ADAMTSL1: variants seen among roughly 807,000 people sequenced by gnomAD.
ADAMTSL1 encodes the protein ADAMTS-like protein 1.
Under a neutral mutation model 201.8 loss-of-function variants are expected in ADAMTSL1, and 126 were observed. That is an observed-to-expected ratio of 0.62 (90% CI 0.54 to 0.72). The LOEUF (loss-of-function observed/expected upper bound fraction) is 0.72, where lower values mean the gene tolerates loss of function less well. Ranked by LOEUF, ADAMTSL1 falls within the 30% of genes least tolerant of loss-of-function variation. The pLI is 0.00. For synonymous variants in ADAMTSL1, 1,121 were observed against 903.4 expected (o/e 1.24, Z -4.32); for missense variants, 2,679 against 2,277.8 (o/e 1.18, Z -3.59).
chr9:18,633,421 C>G (rs1826902082), intron 5 of ADAMTSL1, among the ~76,000 whole-genome samples: 1 of 152,040 alleles, frequency 6.6e-6, no homozygotes, highest in African/African-American at 2.4e-5. Context: ...GAAACCCCGT[C>G]TCTACTAAAA....
At chr9:18,847,154 A>G (rs1041573314) in intron 23 of ADAMTSL1, among the ~76,000 whole-genome samples, 1 of 152,212 alleles carries the variant, frequency 6.6e-6, no homozygotes, top group Non-Finnish European at 1.5e-5. Context: ...GACAGACAGA[A>G]AAGTCAATCA....
At chr9:18,494,731 A>C (rs546911727) in intron 1 of ADAMTSL1, among the ~76,000 whole-genome samples, 1 of 152,324 alleles carries the variant, frequency 6.6e-6, no homozygotes, top group East Asian at 1.9e-4. Context: ...TTTTTTGAAG[A>C]ATTTGATAAA....
chr9:18,645,426 C>T (rs1452052991), intron 7 of ADAMTSL1, among the ~76,000 whole-genome samples: 1 of 151,752 alleles, frequency 6.6e-6, no homozygotes, highest in Non-Finnish European at 1.5e-5. Context: ...GCTTTTGTTG[C>T]CATTGCTTTT....
At chr9:18,314,654 A>G (rs1284204247) in intron 2 of ADAMTSL1, among the ~76,000 whole-genome samples, 1 of 151,942 alleles carries the variant, frequency 6.6e-6, no homozygotes, top group Non-Finnish European at 1.5e-5. Context: ...TGAGTGTTAC[A>G]GCTCATAAAG....
intron 2 of ADAMTSL1, among the ~76,000 whole-genome samples, chr9:18,314,782 CTTTTT>C (rs776046209): frequency 4.6e-4 from 23 of 49,838 alleles, no homozygotes; most frequent in African/African-American, 1.5e-3. Flanking sequence ...CGGCAGCGTG[CTTTTT>C]TTTTTTTTTT....
At position 18,784,657 on chromosome 9, in the gene ADAMTSL1, CT is replaced by C. The variant is rs1199978784; in HGVS notation, c.3677+6752del. The stretch of plus-strand genomic sequence containing the variant: ...TAGTGTGTATAAGTACAGAGTAAAT[CT>C]CCTATCACATCCCGTCTCCCACCAC... On this transcript the variant is annotated intron_variant, in intron 19 of 28. Transcript: ENST00000380548. Among the ~76,000 whole-genome samples, 5 of 152,324 alleles carry C rather than the reference CT, an allele frequency of 3.3e-5. No individual in the cohort carries two copies. In the East Asian group the frequency reaches 9.6e-4, roughly 29 times the overall value.
chr9:18,667,339 A>G (rs1829509599), intron 9 of ADAMTSL1, among the ~76,000 whole-genome samples: 2 of 152,078 alleles, frequency 1.3e-5, no homozygotes, highest in Admixed American at 6.6e-5. Flanking sequence ...CTGTATTAGA[A>G]CAAGTGTTAT....
chr9:17,934,760 A>G (rs1826934356), intron 1 of ADAMTSL1, among the ~76,000 whole-genome samples: 1 of 152,094 alleles, frequency 6.6e-6, no homozygotes, highest in Non-Finnish European at 1.5e-5. Flanking sequence ...ATTCTGACAT[A>G]TCTCCAGTTG....
At chr9:18,290,785 T>TGC (rs1833223797) in intron 2 of ADAMTSL1, among the ~76,000 whole-genome samples, 3 of 70,860 alleles carry the variant, frequency 4.2e-5, no homozygotes, top group African/African-American at 1.3e-4. Context: ...TTGTGTGTTT[T>TGC]TTTTTTTTTT....
Position 18,029,873 on chromosome 9 carries a change from T to C in ADAMTSL1, c.87+122951T>C, listed in dbSNP as rs865973471. The stretch of plus-strand genomic sequence containing the variant: ...TACCATCTCACACCAGTTAGAATGG[T>C]GATCATTAAAAAGTCAGGAAACAAC... On this transcript the variant is annotated intron_variant, in intron 1 of 29. Transcript: ENST00000680146. 8.2e-4 allele frequency among the ~76,000 whole-genome samples: 125 copies of C among 151,648 alleles called. 1 individual carries two copies. The highest frequency in any genetic ancestry group is 2.2e-3 in the Admixed American group (34 of 15,198).
chr9:18,509,334 T>C (rs1817882164), intron 2 of ADAMTSL1, among the ~76,000 whole-genome samples: 1 of 152,058 alleles, frequency 6.6e-6, no homozygotes, highest in South Asian at 2.1e-4. Flanking sequence ...GTTCTATCTA[T>C]TCTAGTACCA....
At chr9:18,394,306 G>T (rs1177094102) in intron 2 of ADAMTSL1, among the ~76,000 whole-genome samples, 1 of 152,184 alleles carries the variant, frequency 6.6e-6, no homozygotes, top group Admixed American at 6.5e-5. Flanking sequence ...TGCTTTAAAA[G>T]GAGGTTAGAT....
intron 2 of ADAMTSL1, among the ~76,000 whole-genome samples, chr9:18,251,310 A>G (rs981564880): frequency 2.0e-5 from 3 of 152,176 alleles, no homozygotes; most frequent in African/African-American, 7.2e-5. Context: ...AATTAATAAC[A>G]TATAAAATAG....
chr9:18,765,328 G>C (rs1588067917), intron 16 of ADAMTSL1, among the ~76,000 whole-genome samples: 2 of 152,294 alleles, frequency 1.3e-5, no homozygotes, highest in Admixed American at 1.3e-4. Flanking sequence ...CTTTATGTCT[G>C]AAGGACTCAA....
At chr9:18,393,444 A>G (rs1288019949) in intron 2 of ADAMTSL1, among the ~76,000 whole-genome samples, 1 of 152,184 alleles carries the variant, frequency 6.6e-6, no homozygotes, top group African/African-American at 2.4e-5. Context: ...AGTTCCACAT[A>G]CTGGGAAACC....
chr9:18,285,802 G>A (rs1832969517), intron 2 of ADAMTSL1, among the ~76,000 whole-genome samples: 2 of 151,854 alleles, frequency 1.3e-5, no homozygotes, highest in Non-Finnish European at 2.9e-5. Flanking sequence ...AATTTTTGCT[G>A]TTTGTTTCTG....
intron 2 of ADAMTSL1, among the ~76,000 whole-genome samples, chr9:18,320,446 A>T (rs1369448101): frequency 1.3e-5 from 2 of 152,222 alleles, no homozygotes; most frequent in Non-Finnish European, 2.9e-5. Context: ...TGAAATAAAC[A>T]CATTATCAGA....
At chr9:18,036,180 G>T (rs1338435324) in intron 1 of ADAMTSL1, among the ~76,000 whole-genome samples, 1 of 152,150 alleles carries the variant, frequency 6.6e-6, no homozygotes, top group Non-Finnish European at 1.5e-5. Context: ...ATACTTTAAA[G>T]CATTACTGGT....
intron 2 of ADAMTSL1, among the ~76,000 whole-genome samples, chr9:18,322,270 AC>A (rs1834652949): frequency 6.6e-6 from 1 of 152,180 alleles, no homozygotes; most frequent in African/African-American, 2.4e-5. Context: ...AAGAGCTAAA[AC>A]CAATTATATA....
Sources: allele counts gnomAD v4.1 joint callset (sites outside exome capture counted in the v4.1 genomes callset), GRCh38; gene constraint gnomAD v4.1.1; transcripts MANE v1.5; gene names NCBI Gene and HGNC (gene_info 2026-07-23, HGNC 2026-07-21).